Variants in NFATC2 observed in about 807,000 individuals in gnomAD.
NFATC2 encodes the protein nuclear factor of activated T-cells, cytoplasmic 2.
In NFATC2, 22 loss-of-function variants were observed where a neutral mutation model predicts 87.3. The ratio of observed to expected loss-of-function variants is 0.25; its 90% CI spans 0.18 to 0.36. The LOEUF is 0.36. NFATC2 is among the 10% of genes least tolerant of loss of function. The pLI is 1.00. For missense variants in NFATC2, 1,149 were observed against 1,259.1 expected (o/e 0.91, Z 1.32); for synonymous variants, 565 against 542.2 (o/e 1.04, Z -0.58).
At chr20:51,488,219 G>T (rs753007924) in intron 3 of NFATC2, among the ~76,000 whole-genome samples, 1 of 152,202 alleles carries the variant, frequency 6.6e-6, no homozygotes, top group Non-Finnish European at 1.5e-5. Flanking sequence ...CTGTCCTTCA[G>T]GATTATTAAT....
At chr20:51,556,208 G>A (rs1236860353) in intron 1 of NFATC2, among the ~76,000 whole-genome samples, 2 of 152,192 alleles carry the variant, frequency 1.3e-5, no homozygotes, top group Admixed American at 6.5e-5. Flanking sequence ...TTCAGGGAGA[G>A]CATGGCCCTG....
intron 1 of NFATC2, among the ~76,000 whole-genome samples, chr20:51,547,752 A>G (rs767245392): frequency 6.6e-6 from 1 of 152,186 alleles, no homozygotes; most frequent in African/African-American, 2.4e-5. Flanking sequence ...AACACCAAAG[A>G]GTGGTTCTTG....
At chr20:51,557,684 C>G (rs529856396) in intron 1 of NFATC2, among the ~76,000 whole-genome samples, 1 of 152,178 alleles carries the variant, frequency 6.6e-6, no homozygotes, top group African/African-American at 2.4e-5. Context: ...AATGAGAGTG[C>G]GGTCCTTCAG....
At chr20:51,501,231 A>G (rs2076085225) in intron 3 of NFATC2, among the ~76,000 whole-genome samples, 1 of 152,148 alleles carries the variant, frequency 6.6e-6, no homozygotes, top group South Asian at 2.1e-4. Flanking sequence ...GCAAATGTGA[A>G]TGGCACCCTC....
intron 1 of NFATC2, among the ~76,000 whole-genome samples, chr20:51,540,663 T>TTTTTTTTTTTTTTTTTTTTTTTGTTTG (rs1555818354): frequency 1.0e-4 from 14 of 135,690 alleles, no homozygotes; most frequent in East Asian, 4.6e-4. Flanking sequence ...TTTTTGTTTT[T>TTTTTTTTTTTTTTTTTTTTTTTGTTTG]TTTTTTTTGA....
chr20:51,458,441 C>T (rs1986797517), intron 5 of NFATC2, among the ~76,000 whole-genome samples: 3 of 151,722 alleles, frequency 2.0e-5, no homozygotes. Flanking sequence ...AACAGCTGTT[C>T]TAGAGATTCT....
chr20:51,502,946 A>C (rs1032448201), intron 3 of NFATC2, among the ~76,000 whole-genome samples: 1 of 152,212 alleles, frequency 6.6e-6, no homozygotes, highest in African/African-American at 2.4e-5. Context: ...GAAAAATGAA[A>C]ATGCAATGGC....
In NFATC2 at chr20:51,507,999, T is replaced by C. The variant is rs1226657636; in HGVS notation, c.1332+8785A>G. Reference sequence around the variant, plus strand: ...CACACACGAGGGCCCCAACATTTATTTGTGACACAAATAAAGTTTCTTCTA... The same window carrying C: ...CACACACGAGGGCCCCAACATTTATCTGTGACACAAATAAAGTTTCTTCTA... On this transcript the variant is annotated intron_variant, in intron 3 of 10. Transcript: ENST00000371564. Among the ~76,000 whole-genome samples the C allele has an allele frequency of 2.6e-5, 4 of 152,240 alleles. No individual in the cohort carries two copies. In the East Asian group the frequency reaches 5.8e-4, roughly 22 times the overall value.
chr20:51,539,659 T>A (rs3787185), intron 1 of NFATC2, among the ~76,000 whole-genome samples: 62,007 of 151,954 alleles, frequency 0.41, 12,825 homozygotes, highest in Non-Finnish European at 0.46. Context: ...CTAGGCTAAT[T>A]GTTTTATTTT....
At chr20:51,531,356 T>G (rs2076630705) in intron 1 of NFATC2, among the ~76,000 whole-genome samples, 2 of 152,272 alleles carry the variant, frequency 1.3e-5, no homozygotes, top group Admixed American at 1.3e-4. Flanking sequence ...CGCTCATCTC[T>G]GTGGCAGACA....
At chr20:51,420,230 G>T (rs1980681891) in intron 9 of NFATC2, among the ~76,000 whole-genome samples, 1 of 152,200 alleles carries the variant, frequency 6.6e-6, no homozygotes, top group Non-Finnish European at 1.5e-5. Flanking sequence ...GGCAGAATTA[G>T]AATAGAATAT....
chr20:51,415,197 G>A (rs529049180), intron 9 of NFATC2, among the ~76,000 whole-genome samples: 1 of 146,104 alleles, frequency 6.8e-6, no homozygotes, highest in South Asian at 2.2e-4. Context: ...AGTGAGCCAT[G>A]ATCCTACCAT....
intron 1 of NFATC2, among the ~76,000 whole-genome samples, chr20:51,536,898 AACACAC>A (rs10648135): frequency 1.2e-4 from 18 of 149,682 alleles, no homozygotes; most frequent in Admixed American, 2.7e-4. Context: ...GCAAGCACCA[AACACAC>A]ACACACACAC....
intron 5 of NFATC2, among the ~76,000 whole-genome samples, chr20:51,468,920 G>T (rs1600806941): frequency 6.6e-6 from 1 of 152,166 alleles, no homozygotes; most frequent in African/African-American, 2.4e-5. Flanking sequence ...ACCTCTCAAA[G>T]TCCGCCCCAC....
Position 51,423,315 on chromosome 20 carries a change from A to AG in NFATC2, c.2722+8751dup, listed in dbSNP as rs1555874243. On this transcript the variant is annotated intron_variant, in intron 9 of 10. Coordinates refer to ENST00000371564, the MANE Select transcript of NFATC2 (RefSeq NM_012340.5). ...TCAAAAAAAAAAAAAAAAAAAAAAA[A>AG]GGATTATCTTGGGTTGTGGCTGGAA... Among the ~76,000 whole-genome samples, 3 of 150,312 alleles carry AG rather than the reference A, an allele frequency of 2.0e-5. No homozygotes were observed. In the South Asian group the frequency reaches 6.3e-4, roughly 32 times the overall value.
At chr20:51,536,435 T>G (rs571652083) in intron 1 of NFATC2, among the ~76,000 whole-genome samples, 1 of 152,310 alleles carries the variant, frequency 6.6e-6, no homozygotes, top group Non-Finnish European at 1.5e-5. Flanking sequence ...CTGATCTCAC[T>G]GGTCCAGGAT....
intron 9 of NFATC2, among the ~76,000 whole-genome samples, chr20:51,402,706 G>T (rs2146245770): frequency 6.6e-6 from 1 of 152,276 alleles, no homozygotes; most frequent in Middle Eastern, 3.4e-3. Flanking sequence ...GCTTATCCAA[G>T]AGAGATGGAA....
chr20:51,394,371 G>T (rs368915611), intron 10 of NFATC2, among the ~76,000 whole-genome samples: 61 of 149,576 alleles, frequency 4.1e-4, no homozygotes, highest in Admixed American at 1.3e-3. Context: ...ATTTCTCCTG[G>T]TCTCTGTCTG....
intron 1 of NFATC2, among the ~76,000 whole-genome samples, chr20:51,554,378 A>G (rs1322895989): frequency 1.3e-5 from 2 of 152,136 alleles, no homozygotes; most frequent in Non-Finnish European, 2.9e-5. Context: ...TAGACTCTCC[A>G]CAAGCACCTC....
Sources: allele counts gnomAD v4.1 joint callset (sites outside exome capture counted in the v4.1 genomes callset), GRCh38; gene constraint gnomAD v4.1.1; transcripts MANE v1.5; gene names NCBI Gene and HGNC (gene_info 2026-07-23, HGNC 2026-07-21).